Variants in TENM2 observed in about 807,000 individuals in gnomAD.
TENM2 encodes teneurin transmembrane protein 2.
In TENM2, 52 loss-of-function variants were observed where a neutral mutation model predicts 245.2. That is an observed-to-expected ratio of 0.21 (90% confidence interval 0.17 to 0.27). TENM2 has a LOEUF of 0.27. Among genes scored for constraint, TENM2 ranks in the 10% least tolerant of loss-of-function variants. The pLI is 1.00. For synonymous variants in TENM2, 1,363 were observed against 1,438.9 expected, an observed-to-expected ratio of 0.95 and a Z score of 1.19; for missense variants, 3,046 against 3,666.8, an observed-to-expected ratio of 0.83 and a Z score of 4.37.
At chr5:167,591,473 T>C (rs1561580582) in intron 2 of TENM2, among the ~76,000 whole-genome samples, 1 of 152,234 alleles carries the variant, frequency 6.6e-6, no homozygotes, top group Admixed American at 6.5e-5. Context: ...TTAATTTCAG[T>C]TTCCAGTGAG....
the TENM2 span, among the ~76,000 whole-genome samples, chr5:167,279,003 A>G: frequency 6.6e-6 from 1 of 152,142 alleles, no homozygotes; most frequent in African/African-American, 2.4e-5. Context: ...TCCATCTGAT[A>G]ATTTCTTGAA....
chr5:168,170,947 T>A (rs1308548318), intron 13 of TENM2, among the ~76,000 whole-genome samples: 1 of 152,244 alleles, frequency 6.6e-6, no homozygotes, highest in Non-Finnish European at 1.5e-5. Flanking sequence ...CTGCCTTGTC[T>A]CTGACCTGTC....
At chr5:167,586,854 A>T (rs971946369) in intron 2 of TENM2, among the ~76,000 whole-genome samples, 20 of 122,890 alleles carry the variant, frequency 1.6e-4, no homozygotes, top group African/African-American at 5.7e-4. Flanking sequence ...ATTCACAAAA[A>T]TATCTAAGTT....
chr5:168,040,324 G>A (rs150689512), intron 5 of TENM2, among the ~76,000 whole-genome samples: 26 of 152,286 alleles, frequency 1.7e-4, no homozygotes, highest in Non-Finnish European at 2.5e-4. Flanking sequence ...ATCTTGCCAC[G>A]ATTCTGGGAT....
chr5:167,241,133 C>A, the TENM2 span, among the ~76,000 whole-genome samples: 1 of 152,164 alleles, frequency 6.6e-6, no homozygotes, highest in Non-Finnish European at 1.5e-5. Flanking sequence ...CTCATTCACA[C>A]CCCAAACCTG....
chr5:167,410,672 TA>T (rs1262339022), intron 2 of TENM2, among the ~76,000 whole-genome samples: 1 of 152,082 alleles, frequency 6.6e-6, no homozygotes, highest in African/African-American at 2.4e-5. Context: ...AAAGCAGGTC[TA>T]AAATTATTCC....
chr5:168,114,065 T>C (rs1043548307), intron 9 of TENM2, among the ~76,000 whole-genome samples: 1 of 152,214 alleles, frequency 6.6e-6, no homozygotes, highest in Non-Finnish European at 1.5e-5. Flanking sequence ...CCTATGGCAT[T>C]TCTTTATTTT....
chr5:167,232,900 T>A, the TENM2 span, among the ~76,000 whole-genome samples: 1 of 152,216 alleles, frequency 6.6e-6, no homozygotes, highest in Non-Finnish European at 1.5e-5. Flanking sequence ...ATCACCACCA[T>A]TACCCAAAAA....
At chr5:167,128,416 A>G in the TENM2 span, among the ~76,000 whole-genome samples, 2 of 152,124 alleles carry the variant, frequency 1.3e-5, no homozygotes, top group Non-Finnish European at 2.9e-5. Flanking sequence ...AGGGCTTGTT[A>G]AAACTCAGAC....
intron 2 of TENM2, among the ~76,000 whole-genome samples, chr5:167,414,867 A>C (rs1465482906): frequency 6.6e-6 from 1 of 152,150 alleles, no homozygotes; most frequent in Non-Finnish European, 1.5e-5. Context: ...CTGTTGGTGG[A>C]AAAAATAATC....
the TENM2 span, among the ~76,000 whole-genome samples, chr5:167,043,585 G>A: frequency 6.6e-6 from 1 of 152,172 alleles, no homozygotes; most frequent in East Asian, 1.9e-4. Context: ...AAATGGTGGG[G>A]CAAGTGTTGA....
chr5:168,164,002 T>G (rs1453918543), intron 13 of TENM2, among the ~76,000 whole-genome samples: 1 of 152,070 alleles, frequency 6.6e-6, no homozygotes, highest in Non-Finnish European at 1.5e-5. Context: ...CCTAAATGGG[T>G]CCTGGTATGA....
chr5:167,844,532 G>A (rs1406124723), intron 2 of TENM2, among the ~76,000 whole-genome samples: 1 of 152,178 alleles, frequency 6.6e-6, no homozygotes, highest in South Asian at 2.1e-4. Context: ...GCCTTGTTGT[G>A]TTATTGGGTT....
chr5:167,734,879 C>T (rs773759573), intron 2 of TENM2, among the ~76,000 whole-genome samples: 4 of 149,532 alleles, frequency 2.7e-5, no homozygotes, highest in East Asian at 2.0e-4. Flanking sequence ...TCTTTCTCCA[C>T]GCTCTACACA....
intron 3 of TENM2, among the ~76,000 whole-genome samples, chr5:167,928,049 T>C (rs1046777660): frequency 6.6e-6 from 1 of 152,214 alleles, no homozygotes; most frequent in Non-Finnish European, 1.5e-5. Context: ...ATACAGTTTA[T>C]TTCATTCAGC....
chr5:167,422,150 T>C (rs1763547752), intron 2 of TENM2, among the ~76,000 whole-genome samples: 1 of 152,208 alleles, frequency 6.6e-6, no homozygotes, highest in Admixed American at 6.5e-5. Context: ...TTTATGACTT[T>C]TACAAGTAAA....
chr5:167,518,791 A>G (rs1171697677), intron 2 of TENM2, among the ~76,000 whole-genome samples: 1 of 152,152 alleles, frequency 6.6e-6, no homozygotes, highest in Non-Finnish European at 1.5e-5. Context: ...TTGTCTCCAA[A>G]AAGGCCCAAG....
chr5:168,252,328 T>C (rs1767186974), intron 27 of TENM2, among the ~76,000 whole-genome samples: 1 of 141,488 alleles, frequency 7.1e-6, no homozygotes, highest in Admixed American at 7.2e-5. Context: ...CAATAAGCTG[T>C]GATTGTGCCA....
intron 2 of TENM2, among the ~76,000 whole-genome samples, chr5:167,640,901 ATATATCTTTCTCTTAAGCTTAGTGGTTC>A (rs1561629229): frequency 3.9e-4 from 36 of 93,358 alleles, no homozygotes; most frequent in Non-Finnish European, 6.7e-4. Flanking sequence ...ATATATATAT[ATATATCTTTCTCTTAAGCTTAGTGGTTC>A]TCAAAGAGTG....
Sources: gnomAD v4.1 joint callset for allele counts (sites outside exome capture counted in the v4.1 genomes callset) on GRCh38, gnomAD v4.1.1 for gene constraint, MANE v1.5 for transcripts, NCBI Gene and HGNC (gene_info 2026-07-23, HGNC 2026-07-21) for gene names.